TMEM131L: variants seen among roughly 807,000 people sequenced by gnomAD.
The protein encoded by TMEM131L is transmembrane 131 like.
TMEM131L carries 54 observed loss-of-function variants against 192.2 expected under a neutral mutation model. The observed-to-expected ratio is 0.28, with a 90% confidence interval of 0.23 to 0.35. The LOEUF (loss-of-function observed/expected upper bound fraction) is 0.35. Among genes scored for constraint, TMEM131L ranks in the 10% least tolerant of loss-of-function variants. The pLI, the probability that TMEM131L is intolerant of heterozygous loss-of-function variation, is 1.00. For missense variants in TMEM131L, 1,888 were observed against 1,972.9 expected (o/e 0.96, Z 0.82); for synonymous variants, 701 against 704.9 (o/e 0.99, Z 0.09).
At chr4:153,484,084 A>G (rs1732136489) in intron 3 of TMEM131L, among the ~76,000 whole-genome samples, 1 of 152,168 alleles carries the variant, frequency 6.6e-6, no homozygotes, top group South Asian at 2.1e-4. Context: ...TCTGTCTAGG[A>G]ACACCAATAT....
rs368894194 is a variant in TMEM131L, at chr4:153,627,701, G to A, written c.4207+14G>A. ...AAGAAGATAAAGGTGAGATGCATTC[G>A]TCTTGCTGCAGACATCAGCCAAGGG... On this transcript the variant is annotated intron_variant, in intron 31 of 34. Transcript: ENST00000409959. 196 of 1,601,510 alleles carry A rather than the reference G, an allele frequency of 1.2e-4. 1 individual carries two copies. Among genetic ancestry groups the A allele is most frequent in the Non-Finnish European group, 1.5e-4 (180 of 1,168,796 alleles).
chr4:153,480,711 A>G (rs961628840), intron 3 of TMEM131L, among the ~76,000 whole-genome samples: 1 of 152,170 alleles, frequency 6.6e-6, no homozygotes, highest in East Asian at 1.9e-4. Context: ...TTATGGCTAC[A>G]CAGCAGTGTA....
chr4:153,471,443 G>A (rs962191565), intron 2 of TMEM131L, among the ~76,000 whole-genome samples: 6 of 152,182 alleles, frequency 3.9e-5, no homozygotes, highest in African/African-American at 9.7e-5. Context: ...GTCCTAGTGC[G>A]GGAGAGGCAG....
intron 3 of TMEM131L, among the ~76,000 whole-genome samples, chr4:153,502,356 TGTC>T (rs1733677755): frequency 6.6e-6 from 1 of 152,220 alleles, no homozygotes; most frequent in African/African-American, 2.4e-5. Flanking sequence ...TGTTTCAAAA[TGTC>T]TTCTTAAGGA....
chr4:153,554,250 G>A (rs1302376778), intron 4 of TMEM131L: 1 of 152,144 alleles, frequency 6.6e-6, no homozygotes, highest in East Asian at 1.9e-4. Flanking sequence ...TTTCTGAAGT[G>A]ACCCTTTATG....
chr4:153,493,183 A>G (rs1732909529), intron 3 of TMEM131L, among the ~76,000 whole-genome samples: 1 of 150,484 alleles, frequency 6.6e-6, no homozygotes, highest in Non-Finnish European at 1.5e-5. Context: ...CATCTCTACT[A>G]AAAATACAAA....
intron 7 of TMEM131L, among the ~76,000 whole-genome samples, chr4:153,575,295 G>T (rs558642373): frequency 7.6e-4 from 115 of 152,230 alleles, no homozygotes; most frequent in Middle Eastern, 3.4e-3. Flanking sequence ...CTAGTATCCA[G>T]TTCCCTAAAT....
At chr4:153,484,627 C>T (rs111807613) in intron 3 of TMEM131L, among the ~76,000 whole-genome samples, 2 of 149,826 alleles carry the variant, frequency 1.3e-5, no homozygotes, top group Non-Finnish European at 3.0e-5. Flanking sequence ...CGCCACCACG[C>T]CCAGCTAATT....
chr4:153,591,199 G>A lies in TMEM131L; in HGVS notation c.1812+5G>A. The A allele has an allele frequency of 6.3e-7, 1 of 1,588,054 alleles. No homozygotes were observed. The highest frequency in any genetic ancestry group is 8.6e-7 in the Non-Finnish European group (1 of 1,167,046). On this transcript the variant is annotated splice_donor_5th_base_variant and intron_variant, in intron 17 of 34. Transcript: ENST00000409959. Reference sequence around the variant, plus strand: ...ACTGCCCTTAGGAGCAGGATGGTGAGGACAGTGTGTCTTTTCATTTCTTTG... The same window carrying A: ...ACTGCCCTTAGGAGCAGGATGGTGAAGACAGTGTGTCTTTTCATTTCTTTG...
intron 12 of TMEM131L, 105 bp from the exon 13 acceptor site, chr4:153,585,353 T>C: frequency 8.9e-7 from 1 of 1,119,486 alleles, no homozygotes; most frequent in Non-Finnish European, 1.3e-6. Context: ...AGCTTTCATT[T>C]AGTAACGTTT....
chr4:153,569,755 C>T (rs764031498), intron 7 of TMEM131L, among the ~76,000 whole-genome samples: 10 of 152,212 alleles, frequency 6.6e-5, no homozygotes, highest in Non-Finnish European at 1.2e-4. Context: ...GCAATTGAAT[C>T]AACCAATTTA....
intron 9 of TMEM131L, among the ~76,000 whole-genome samples, chr4:153,582,420 GTTTTT>G (rs1216119441): frequency 3.7e-5 from 3 of 81,844 alleles, no homozygotes; most frequent in African/African-American, 1.1e-4. Context: ...AATTTAAACC[GTTTTT>G]TTTTGTTGTT....
chr4:153,483,601 G>A (rs1207097716), intron 3 of TMEM131L, among the ~76,000 whole-genome samples: 2 of 152,194 alleles, frequency 1.3e-5, no homozygotes, highest in Admixed American at 1.3e-4. Context: ...TCGGCAGGCT[G>A]AGGCTCACTT....
At chr4:153,479,807 T>C (rs1424601967) in intron 3 of TMEM131L, among the ~76,000 whole-genome samples, 1 of 152,220 alleles carries the variant, frequency 6.6e-6, no homozygotes, top group East Asian at 1.9e-4. Flanking sequence ...GAAGATACAA[T>C]TGCAGACAAG....
At chr4:153,539,462 C>T (rs1025903462) in intron 3 of TMEM131L, among the ~76,000 whole-genome samples, 8 of 148,872 alleles carry the variant, frequency 5.4e-5, no homozygotes, top group African/African-American at 1.5e-4. Flanking sequence ...TGCTGCATTC[C>T]GTTTTAAAAA....
chr4:153,522,763 C>T (rs1174748646), intron 3 of TMEM131L, among the ~76,000 whole-genome samples: 1 of 152,242 alleles, frequency 6.6e-6, no homozygotes, highest in Non-Finnish European at 1.5e-5. Flanking sequence ...CATATCTCAT[C>T]GTGTGCCACA....
intron 3 of TMEM131L, among the ~76,000 whole-genome samples, chr4:153,541,070 T>C (rs1028343073): frequency 9.2e-5 from 14 of 152,172 alleles, no homozygotes; most frequent in African/African-American, 2.9e-4. Flanking sequence ...TAACATATAG[T>C]AGAGTGACCT....
intron 7 of TMEM131L, among the ~76,000 whole-genome samples, chr4:153,565,867 G>A (rs2150559341): frequency 6.6e-6 from 1 of 152,306 alleles, no homozygotes; most frequent in South Asian, 2.1e-4. Context: ...TTTATGTTGT[G>A]TTAGGCTCAT....
At chr4:153,553,007 C>G (rs1015242152) in intron 4 of TMEM131L, among the ~76,000 whole-genome samples, 1 of 151,376 alleles carries the variant, frequency 6.6e-6, no homozygotes, top group Non-Finnish European at 1.5e-5. Flanking sequence ...TATGGAGAGC[C>G]AACTGTATAT....
Sources: allele counts gnomAD v4.1 joint callset (sites outside exome capture counted in the v4.1 genomes callset), GRCh38; gene constraint gnomAD v4.1.1; transcripts MANE v1.5; gene names NCBI Gene and HGNC (gene_info 2026-07-23, HGNC 2026-07-21).